ATP2C2: variants seen among roughly 807,000 people sequenced by gnomAD.
ATP2C2 encodes the protein calcium-transporting ATPase type 2C member 2.
A neutral mutation model predicts 110.8 loss-of-function variants in ATP2C2; 171 were observed. The ratio of observed to expected loss-of-function variants is 1.54; its 90% CI spans 1.36 to 1.75. The LOEUF (loss-of-function observed/expected upper bound fraction) is 1.75, where lower values mean the gene tolerates loss of function less well. Ranked by LOEUF, ATP2C2 falls within the 40% of genes most tolerant of loss-of-function variation. The pLI, the probability that ATP2C2 is intolerant of heterozygous loss-of-function variation, is 0.00. For synonymous variants in ATP2C2, 804 were observed against 508.4 expected, an observed-to-expected ratio of 1.58 and a Z score of -7.82; for missense variants, 1,963 against 1,235.0, an observed-to-expected ratio of 1.59 and a Z score of -8.84.
In ATP2C2 at chr16:84,440,881, C is replaced by G. The variant is rs753349133; in HGVS notation, c.1234C>G (p.Gln412Glu). 24 of 1,613,352 alleles carry G rather than the reference C, an allele frequency of 1.5e-5. No homozygotes were observed. Among genetic ancestry groups the G allele is most frequent in the Non-Finnish European group, 1.9e-5 (22 of 1,179,924 alleles). The change falls in exon 14 of 27, where the codon CAA (glutamine) becomes GAA (glutamate). Residue 412 changes from glutamine (Q) to glutamate (E), a missense_variant. Transcript: ENST00000262429. The part of the protein sequence containing the change: ...AEVSGVGYDG[Q>E]GTVCLLPSKE... ...GGTCAGCGGAGTTGGGTATGACGGTCAAGGGACTGTGTGTCTTCTACCATC... is the reference window on the plus strand; with the variant it reads ...GGTCAGCGGAGTTGGGTATGACGGTGAAGGGACTGTGTGTCTTCTACCATC...
At chr16:84,450,937 C>G (rs1321903307) in intron 17 of ATP2C2, among the ~76,000 whole-genome samples, 2 of 152,112 alleles carry the variant, frequency 1.3e-5, no homozygotes, top group South Asian at 2.1e-4. Context: ...CTCACATGTC[C>G]CATTCTGGGC....
rs750389931 is a variant in ATP2C2, at chr16:84,461,711, C to T, written c.2482-3C>T. The T allele has an allele frequency of 1.9e-6, 3 of 1,613,800 alleles. No individual in the cohort carries two copies. The highest frequency in any genetic ancestry group is 8.5e-7 in the Non-Finnish European group (1 of 1,179,662). ...ACCTCTCACCTTTGTGCTCACCTTC[C>T]AGATGCCTGAAGACAGAGCAAGCAC... On this transcript the variant is annotated splice_polypyrimidine_tract_variant and splice_region_variant and intron_variant, in intron 24 of 26. Transcript: ENST00000262429.
chr16:84,404,732 G>C (rs953297382), intron 2 of ATP2C2: 5 of 355,632 alleles, frequency 1.4e-5, no homozygotes, highest in African/African-American at 6.5e-5. Context: ...TGCTGGATCT[G>C]GTAGCTCCCT....
In ATP2C2 at chr16:84,423,405, C is replaced by T. The variant is rs1597808719; in HGVS notation, c.919+142C>T. On this transcript the variant is annotated intron_variant, in intron 10 of 26. Transcript: ENST00000262429. ...ATTGGGATCAGAGGCTCTCCACAAG[C>T]AACAAGAGCTTTCTGTATAGTTGGA... 5.5e-6 allele frequency: 4 copies of T among 732,564 alleles called. No homozygotes were observed. In the Admixed American group the frequency reaches 7.6e-5, roughly 14 times the overall value. 45.4% of individuals were successfully genotyped at this position (732,564 alleles called of 1,614,324 possible).
At position 84,440,828 on chromosome 16, in the gene ATP2C2, G is replaced by A. The variant is rs750017306; in HGVS notation, c.1210-29G>A. On this transcript the variant is annotated intron_variant, in intron 13 of 26. Coordinates refer to ENST00000262429, the MANE Select transcript of ATP2C2 (RefSeq NM_014861.4). ...GGGGAGCATGTTTTTGACTCTTGGC[G>A]AAACCCTTTCTTCTGCCTCGCCCTG... 101 of 1,575,334 alleles carry A rather than the reference G, an allele frequency of 6.4e-5. 1 individual carries two copies. The highest frequency in any genetic ancestry group is 3.3e-4 in the Middle Eastern group (2 of 5,996).
intron 23 of ATP2C2, chr16:84,460,226 C>A: frequency 4.4e-6 from 1 of 226,036 alleles, no homozygotes; most frequent in Admixed American, 5.2e-5. Flanking sequence ...CCCACCATAC[C>A]GCCTGCTGCG....
chr16:84,391,770 C>T lies in ATP2C2; in HGVS notation c.100-6729C>T, dbSNP rs575978362. ...AGAACAAATTTCGGTTGTTTTAAGC[C>T]ACCGAGTTTGTGTTGGTTGTTTGTT... On this transcript the variant is annotated intron_variant, in intron 1 of 26. Coordinates refer to ENST00000262429, the MANE Select transcript of ATP2C2 (RefSeq NM_014861.4). Among the ~76,000 whole-genome samples, 3 of 152,244 alleles carry T rather than the reference C, an allele frequency of 2.0e-5. No individual in the cohort carries two copies. In the South Asian group the frequency reaches 6.2e-4, roughly 32 times the overall value.
Position 84,439,107 on chromosome 16 carries a change from C to G in ATP2C2, c.987-59C>G, listed in dbSNP as rs1000265893. On this transcript the variant is annotated intron_variant, in intron 11 of 26. Transcript: ENST00000262429. ...CAGCCAAAAGCATTGCCAGCCCCAG[C>G]TGAGAGTCACACACTCCTTAAATGT... The G allele has an allele frequency of 5.0e-6, 8 of 1,597,012 alleles. No homozygotes were observed. In the East Asian group the frequency reaches 1.3e-4, roughly 27 times the overall value.
At chr16:84,382,894 TAAA>T (rs1170344466) in intron 1 of ATP2C2, among the ~76,000 whole-genome samples, 22 of 91,752 alleles carry the variant, frequency 2.4e-4, no homozygotes, top group African/African-American at 9.1e-4. Flanking sequence ...AGACTCCATC[TAAA>T]AAAAAAAAAA....
intron 15 of ATP2C2, among the ~76,000 whole-genome samples, chr16:84,443,752 G>T (rs1408900514): frequency 6.6e-6 from 1 of 152,130 alleles, no homozygotes; most frequent in African/African-American, 2.4e-5. Context: ...CCTCCCTCCA[G>T]TGCAAGACTC....
At chr16:84,427,696 G>A (rs576762558) in intron 11 of ATP2C2, among the ~76,000 whole-genome samples, 1 of 152,260 alleles carries the variant, frequency 6.6e-6, no homozygotes, top group South Asian at 2.1e-4. Flanking sequence ...CAGCCTGGGT[G>A]ACAGAGCAAG....
intron 6 of ATP2C2, 139 bp from the exon 7 acceptor site, chr16:84,415,344 T>G: frequency 1.4e-6 from 1 of 711,622 alleles, no homozygotes; most frequent in Non-Finnish European, 2.4e-6. Flanking sequence ...AATTTCAAAA[T>G]AATAACACCC....
At chr16:84,422,244 A>C in intron 7 of ATP2C2, 146 bp from the exon 8 acceptor site, 1 of 907,398 alleles carries the variant, frequency 1.1e-6, no homozygotes. Context: ...TGGAGGCCTC[A>C]GAGGCCGTCG....
intron 7 of ATP2C2, among the ~76,000 whole-genome samples, chr16:84,416,141 T>C (rs1567708403): frequency 6.6e-6 from 1 of 152,208 alleles, no homozygotes; most frequent in Non-Finnish European, 1.5e-5. Context: ...GCCACTGCAC[T>C]CTAGCCTGGG....
chr16:84,433,650 TCAAAAACAAAACAAAACAAACAA>T (rs1908478481), intron 11 of ATP2C2, among the ~76,000 whole-genome samples: 2 of 149,222 alleles, frequency 1.3e-5, no homozygotes, highest in African/African-American at 5.0e-5. Context: ...AGACTCCGTC[TCAAAAACAAAACAAAACAAACAA>T]CAACAACAAA....
chr16:84,446,948 G>C (rs1056219883), intron 16 of ATP2C2, among the ~76,000 whole-genome samples: 2 of 152,186 alleles, frequency 1.3e-5, no homozygotes, highest in Non-Finnish European at 2.9e-5. Context: ...TACGGAAGGC[G>C]TGTCTGTGTG....
intron 11 of ATP2C2, among the ~76,000 whole-genome samples, chr16:84,427,957 A>G (rs889875405): frequency 1.3e-5 from 2 of 152,236 alleles, no homozygotes; most frequent in East Asian, 1.9e-4. Flanking sequence ...TTATATATCA[A>G]TAGAGAAACC....
chr16:84,417,144 TG>T (rs1368846087), intron 7 of ATP2C2, among the ~76,000 whole-genome samples: 1 of 152,046 alleles, frequency 6.6e-6, no homozygotes, highest in Non-Finnish European at 1.5e-5. Context: ...ATCTGCAAAA[TG>T]GGGGGTGGTG....
intron 1 of ATP2C2, among the ~76,000 whole-genome samples, chr16:84,390,847 C>G (rs916583796): frequency 2.6e-4 from 40 of 152,166 alleles, no homozygotes; most frequent in Admixed American, 2.6e-3. Context: ...GGCGCGGTGG[C>G]TCACGCCTGT....
Sources: allele counts gnomAD v4.1 joint callset (sites outside exome capture counted in the v4.1 genomes callset), GRCh38; gene constraint gnomAD v4.1.1; transcripts MANE v1.5; gene names NCBI Gene and HGNC (gene_info 2026-07-23, HGNC 2026-07-21).